Variants in NOD1 observed in about 807,000 individuals in gnomAD.
NOD1 encodes nucleotide-binding oligomerization domain-containing protein 1.
NOD1 carries 70 observed loss-of-function variants against 81.2 expected under a neutral mutation model. The observed-to-expected ratio is 0.86, with a 90% CI of 0.71 to 1.05. The LOEUF is 1.05. Ranked by LOEUF, NOD1 falls within the 50% of genes least tolerant of loss-of-function variation. The probability of loss-of-function intolerance (pLI) is 0.00; values close to 1 mark genes in which losing one functional copy is unlikely to be tolerated. For synonymous variants in NOD1, 508 were observed against 526.9 expected (o/e 0.96, Z 0.49); for missense variants, 1,233 against 1,228.0 (o/e 1.00, Z -0.06).
Position 30,449,843 on chromosome 7 carries a change from T to C in NOD1, c.2201+1373A>G, listed in dbSNP as rs149988811. On this transcript the variant is annotated intron_variant, in intron 6 of 13. Transcript: ENST00000222823. Reference sequence around the variant, plus strand: ...CACTGGTGTGAAGGAAAGCTTCACCTGGGGACAGCAGGAAGGGCAGGGCCA... The same window carrying C: ...CACTGGTGTGAAGGAAAGCTTCACCCGGGGACAGCAGGAAGGGCAGGGCCA... 1.0e-3 allele frequency among the ~76,000 whole-genome samples: 156 copies of C among 152,326 alleles called. 1 individual carries two copies. The highest frequency in any genetic ancestry group is 3.3e-3 in the African/African-American group (139 of 41,584).
intron 13 of NOD1, among the ~76,000 whole-genome samples, chr7:30,427,395 T>TGTAA (rs1783548488): frequency 6.6e-6 from 1 of 152,204 alleles, no homozygotes; most frequent in African/African-American, 2.4e-5. Flanking sequence ...AGGCTTACTC[T>TGTAA]GTAAGTGTTG....
At position 30,452,488 on chromosome 7, in the gene NOD1, G is replaced by A; in HGVS notation, c.929C>T (p.Pro310Leu). ...DSSCPWEPAH[P>L]LVLLANLLSG... ...GAGCAGGTTGGCCAGCAAGACCAGG[G>A]GGTGGGCAGGCTCCCAGGGGCAGGA... is the stretch of plus-strand genomic sequence containing the variant. The change falls in exon 6 of 14, where the codon CCC becomes CTC. Residue 310 changes from proline to leucine, a missense_variant. Pro to Leu is a moderately conservative substitution (Grantham distance 98). Transcript: ENST00000222823. 6.2e-7 allele frequency: 1 copy of A among 1,613,254 alleles called. No individual in the cohort carries two copies. The highest frequency in any genetic ancestry group is 8.5e-7 in the Non-Finnish European group (1 of 1,179,958).
intron 9 of NOD1, among the ~76,000 whole-genome samples, 174 bp downstream of exon 9, chr7:30,445,967 T>C (rs1342266159): frequency 6.6e-6 from 1 of 151,744 alleles, no homozygotes; most frequent in Admixed American, 6.6e-5. Flanking sequence ...CGGGGAGTTA[T>C]TGCTTAATGG....
At chr7:30,456,264 C>T (rs918846537) in intron 4 of NOD1, among the ~76,000 whole-genome samples, 10 of 152,146 alleles carry the variant, frequency 6.6e-5, no homozygotes, top group Admixed American at 3.3e-4. Flanking sequence ...GCTGTTAAGG[C>T]GTCCCACAGT....
chr7:30,451,532 G>A lies in NOD1; in HGVS notation c.1885C>T (p.Arg629Trp), dbSNP rs1263078408. The change falls in exon 6 of 14, where the codon CGG becomes TGG. Residue 629 changes from arginine (R) to tryptophan (W), a missense_variant. By Grantham distance (101) the Arg-to-Trp change is moderately radical (BLOSUM62 -3). Transcript: ENST00000222823. The surrounding 1 kb of genome is among the most constrained non-coding windows in gnomAD (Gnocchi z 4.2). Reference protein sequence around the residue: ...ALWAHLFSSLRGYLKSLPRVQ... With the variant: ...ALWAHLFSSLWGYLKSLPRVQ... The stretch of plus-strand genomic sequence containing the variant: ...CGGGGCAGGCTCTTCAGGTAGCCCC[G>A]CAGGCTGGAAAACAGGTGTGCCCAC... 46 of 1,612,722 alleles carry A rather than the reference G, an allele frequency of 2.9e-5. No homozygotes were observed. The highest frequency in any genetic ancestry group is 5.3e-5 in the African/African-American group (4 of 74,918).
Position 30,452,489 on chromosome 7 carries a change from G to A in NOD1, c.928C>T (p.Pro310Ser), listed in dbSNP as rs1488520354. ...AGCAGGTTGGCCAGCAAGACCAGGG[G>A]GTGGGCAGGCTCCCAGGGGCAGGAG... ...DSSCPWEPAH[P>S]LVLLANLLSG... The change falls in exon 6 of 14, where the codon CCC becomes TCC. Residue 310 changes from proline to serine, a missense_variant. Coordinates refer to ENST00000222823, the MANE Select transcript of NOD1 (RefSeq NM_006092.4). 5.0e-6 allele frequency: 8 copies of A among 1,613,228 alleles called. No homozygotes were observed. The highest frequency in any genetic ancestry group is 1.7e-5 in the Admixed American group (1 of 59,996).
At chr7:30,462,866 T>C (rs1409184206) in intron 1 of NOD1, among the ~76,000 whole-genome samples, 1 of 151,660 alleles carries the variant, frequency 6.6e-6, no homozygotes, top group African/African-American at 2.4e-5. Flanking sequence ...GGAGAATTGG[T>C]TGAATCCGGG....
At position 30,451,384 on chromosome 7, in the gene NOD1, T is replaced by A; in HGVS notation, c.2033A>T (p.Asn678Ile). 6.2e-7 allele frequency: 1 copy of A among 1,614,134 alleles called. No homozygotes were observed. The highest frequency in any genetic ancestry group is 1.3e-5 in the African/African-American group (1 of 75,064). ...GTTGCAGTAGGTCAGCTTGAGGTAG[T>A]TGGCGCAGATGCCCCTGGCCGCCAG... ...GQLAARGICA[N>I]YLKLTYCNAC... is the part of the protein sequence containing the mutation. The change falls in exon 6 of 14, where the codon AAC (asparagine) becomes ATC (isoleucine). Residue 678 changes from asparagine to isoleucine, a missense_variant. By Grantham distance (149) the Asn-to-Ile change is moderately radical. Transcript: ENST00000222823. This position sits in a 1 kb window ranked among gnomAD's most constrained non-coding sequence, Gnocchi z 4.2.
intron 12 of NOD1, 106 bp from the exon 13 acceptor site, chr7:30,429,563 G>T: frequency 1.1e-6 from 1 of 903,050 alleles, no homozygotes. Flanking sequence ...AAGTTGGTCA[G>T]GGGAAGAACT....
chr7:30,436,800 G>T (rs1784419502), intron 10 of NOD1, among the ~76,000 whole-genome samples: 1 of 152,182 alleles, frequency 6.6e-6, no homozygotes, highest in African/African-American at 2.4e-5. Context: ...TCACTGAGCT[G>T]AATAAACACT....
Position 30,452,140 on chromosome 7 carries a change from A to G in NOD1, c.1277T>C (p.Leu426Pro), listed in dbSNP as rs758333052. The G allele has an allele frequency of 6.2e-7, 1 of 1,613,992 alleles. No homozygotes were observed. The highest frequency in any genetic ancestry group is 1.1e-5 in the South Asian group (1 of 91,084). Residue 426 changes from leucine (L) to proline (P), a missense_variant, in exon 6 of 14, where the codon CTC becomes CCC. Physicochemically the swap from Leu to Pro is moderately conservative, Grantham distance 98. Coordinates refer to ENST00000222823, the MANE Select transcript of NOD1 (RefSeq NM_006092.4). ...DCTMTLTDVF[L>P]LVTEVHLNRM... ...GTTCAGATGGACCTCAGTGACCAGG[A>G]GGAAGACATCTGTCAGGGTCATCGT...
intron 9 of NOD1, among the ~76,000 whole-genome samples, chr7:30,438,319 C>T (rs1477802638): frequency 6.6e-6 from 1 of 152,220 alleles, no homozygotes; most frequent in Non-Finnish European, 1.5e-5. Flanking sequence ...ACTCCTGACC[C>T]GGCTCTGCCA....
intron 1 of NOD1, among the ~76,000 whole-genome samples, chr7:30,475,214 G>A (rs1468564969): frequency 6.6e-6 from 1 of 152,212 alleles, no homozygotes; most frequent in Non-Finnish European, 1.5e-5. Flanking sequence ...CCAGTTGCAT[G>A]TGGCTCTGAA....
At chr7:30,429,328 T>C in intron 13 of NOD1, 46 bp downstream of exon 13, 1 of 1,503,290 alleles carries the variant, frequency 6.7e-7, no homozygotes, top group South Asian at 1.1e-5. Flanking sequence ...TGGTGGTGAG[T>C]AAACAGTCAC....
At chr7:30,462,415 G>T (rs1302539899) in intron 1 of NOD1, among the ~76,000 whole-genome samples, 3 of 149,068 alleles carry the variant, frequency 2.0e-5, no homozygotes, top group Non-Finnish European at 4.4e-5. Context: ...AAGAATCAGG[G>T]GTTCTGATGG....
intron 9 of NOD1, among the ~76,000 whole-genome samples, chr7:30,437,870 A>T (rs974444552): frequency 2.0e-5 from 3 of 152,218 alleles, no homozygotes; most frequent in African/African-American, 7.2e-5. Context: ...AAGATCGAAG[A>T]GCAGGGGAAG....
In NOD1 at chr7:30,451,899, G is replaced by A. The variant is rs374041096; in HGVS notation, c.1518C>T (p.Pro506=). 191 of 1,613,608 alleles carry A rather than the reference G, an allele frequency of 1.2e-4. 1 individual carries two copies. In the South Asian group the frequency reaches 1.5e-3, roughly 13 times the overall value. The change falls in exon 6 of 14, where the codon CCC becomes CCT. Residue 506 remains proline (P), a synonymous_variant. Coordinates refer to ENST00000222823, the MANE Select transcript of NOD1 (RefSeq NM_006092.4). This position sits in a 1 kb window ranked among gnomAD's most constrained non-coding sequence, Gnocchi z 4.2. Reference sequence around the variant, plus strand: ...ACTCATAGGACTGCTGGTCACCCCCGGGGCCCAGCTCCGGCAAAGCCCGCA... The same window carrying A: ...ACTCATAGGACTGCTGGTCACCCCCAGGGCCCAGCTCCGGCAAAGCCCGCA... The part of the protein sequence containing the change: ...GFLRALPELG[P]GGDQQSYEFF...
chr7:30,451,257 C>T lies in NOD1; in HGVS notation c.2160G>A (p.Val720=), dbSNP rs1328055406. 1.2e-6 allele frequency: 2 copies of T among 1,613,936 alleles called. No individual in the cohort carries two copies. The highest frequency in any genetic ancestry group is 1.7e-5 in the Admixed American group (1 of 60,010). ...LDNNNLNDYG[V]RELQPCFSRL... ...GGCTGAAGCAGGGCTGCAGCTCCCGCACGCCGTAGTCGTTGAGATTGTTGT... is the reference window on the plus strand; with the variant it reads ...GGCTGAAGCAGGGCTGCAGCTCCCGTACGCCGTAGTCGTTGAGATTGTTGT... The change falls in exon 6 of 14, where the codon GTG becomes GTA. Residue 720 remains valine (V), a synonymous_variant. Coordinates refer to ENST00000222823, the MANE Select transcript of NOD1 (RefSeq NM_006092.4). The surrounding 1 kb of genome is among the most constrained non-coding windows in gnomAD (Gnocchi z 4.2).
chr7:30,474,218 T>G (rs1044884892), intron 1 of NOD1, among the ~76,000 whole-genome samples: 1 of 152,244 alleles, frequency 6.6e-6, no homozygotes, highest in African/African-American at 2.4e-5. Flanking sequence ...AAAGTAATCA[T>G]CATAATCTTT....
Sources: allele counts gnomAD v4.1 joint callset (sites outside exome capture counted in the v4.1 genomes callset), GRCh38; gene constraint gnomAD v4.1.1; non-coding constraint Gnocchi (gnomAD v3.1); transcripts MANE v1.5; gene names NCBI Gene and HGNC (gene_info 2026-07-23, HGNC 2026-07-21).